The following CLEC1A variants were observed in gnomAD, a reference collection of about 807,000 sequenced individuals.
CLEC1A encodes the protein C-type lectin-like receptor-1.
CLEC1A carries 34 observed loss-of-function variants against 28.7 expected under a neutral mutation model. That is an observed-to-expected ratio of 1.18 (90% CI 0.90 to 1.57). The LOEUF (loss-of-function observed/expected upper bound fraction) is 1.57, where lower values mean the gene tolerates loss of function less well. Ranked by LOEUF, CLEC1A falls within the 40% of genes most tolerant of loss-of-function variation. The pLI is 0.00. For synonymous variants in CLEC1A, 116 were observed against 121.0 expected (o/e 0.96, Z 0.27); for missense variants, 385 against 339.5 (o/e 1.13, Z -1.05).
At chr12:10,089,039 TAA>T in intron 2 of CLEC1A, 83 bp downstream of exon 2, 1 of 1,087,506 alleles carries the variant, frequency 9.2e-7, no homozygotes, top group Non-Finnish European at 1.4e-6. Context: ...AATTAAAGTT[TAA>T]AAAACAAATC....
At position 10,069,877 on chromosome 12, in the gene CLEC1A, A is replaced by C. The variant is rs1482102900; in HGVS notation, c.*1456T>G. On this transcript the variant is annotated 3_prime_UTR_variant, in exon 6 of 6. Transcript: ENST00000315330. ...CAAAATGAAGTTTATGAAAATGAGC[A>C]CCAATGTGTTCTTTCTATCATATGA... The C allele has an allele frequency of 1.3e-5, 2 of 152,248 alleles. No individual in the cohort carries two copies. Among genetic ancestry groups the C allele is most frequent in the African/African-American group, 2.4e-5 (1 of 41,462 alleles). 9.4% of individuals were successfully genotyped at this position (152,248 alleles called of 1,614,324 possible). A position where few individuals can be genotyped will look rare whatever the true frequency, so the allele number is the denominator to read the frequency against.
intron 2 of CLEC1A, among the ~76,000 whole-genome samples, chr12:10,085,000 T>C (rs1488259256): frequency 6.6e-6 from 1 of 152,004 alleles, no homozygotes; most frequent in African/African-American, 2.4e-5. Context: ...GAATTTTGTA[T>C]CCAGTGAAAC....
chr12:10,098,910 A>G lies in CLEC1A; in HGVS notation c.13T>C (p.Tyr5His), dbSNP rs776385264. The G allele has an allele frequency of 1.2e-6, 2 of 1,611,404 alleles. No homozygotes were observed. The highest frequency in any genetic ancestry group is 1.7e-6 in the Non-Finnish European group (2 of 1,178,474). The change falls in exon 1 of 6, where the codon TAC becomes CAC. Residue 5 changes from tyrosine (Y) to histidine (H), a missense_variant. By Grantham distance (83) the Tyr-to-His change is moderately conservative. Coordinates refer to ENST00000315330, the MANE Select transcript of CLEC1A (RefSeq NM_016511.4). MQAK[Y>H]SSTRDMLDDD... ...TCCAGCATGTCCCTCGTGCTGCTGT[A>G]CTTGGCCTGCATCTGGATTCCTACA...
chr12:10,075,973 C>A (rs1866243663), intron 3 of CLEC1A, among the ~76,000 whole-genome samples: 1 of 152,162 alleles, frequency 6.6e-6, no homozygotes, highest in Non-Finnish European at 1.5e-5. Context: ...CACAAAGCAT[C>A]TCAAATGTAC....
At chr12:10,074,533 A>G (rs1365106714) in intron 4 of CLEC1A, among the ~76,000 whole-genome samples, 1 of 152,232 alleles carries the variant, frequency 6.6e-6, no homozygotes, top group African/African-American at 2.4e-5. Context: ...ACCACGTGAT[A>G]TAATATAGTT....
rs1421332600 is a variant in CLEC1A at position 10,089,148 on chromosome 12, C to G, written c.190G>C (p.Gly64Arg). Reference protein sequence around the residue: ...LLTLCLVLLIGLAALGLLFFQ... With the variant: ...LLTLCLVLLIRLAALGLLFFQ... Reference sequence around the variant, plus strand: ...CACAAAAGCCCCAGGGCTGCCAGCCCTATCAGCAGCACCAAGCACAAAGTC... The same window carrying G: ...CACAAAAGCCCCAGGGCTGCCAGCCGTATCAGCAGCACCAAGCACAAAGTC... The change falls in exon 2 of 6, where the codon GGG becomes CGG. Residue 64 changes from glycine to arginine, a missense_variant. Gly to Arg is a moderately radical substitution (Grantham distance 125). Transcript: ENST00000315330. 2 of 1,613,864 alleles carry G rather than the reference C, an allele frequency of 1.2e-6. No homozygotes were observed. The highest frequency in any genetic ancestry group is 2.7e-5 in the African/African-American group (2 of 74,926).
chr12:10,081,486 G>A, intron 2 of CLEC1A, 73 bp from the exon 3 acceptor site: 5 of 1,252,472 alleles, frequency 4.0e-6, no homozygotes, highest in Non-Finnish European at 5.5e-6. Flanking sequence ...TTATGGGGAA[G>A]ACAAAACAGT....
chr12:10,080,234 A>G (rs937839984), intron 3 of CLEC1A, among the ~76,000 whole-genome samples: 7 of 152,166 alleles, frequency 4.6e-5, no homozygotes, highest in Admixed American at 3.9e-4. Context: ...AATTGCTTAA[A>G]CCTGGGAGGA....
chr12:10,098,949 A>T lies in CLEC1A; in HGVS notation c.-27T>A. ...TGGATTCCTACAGCGGTGAGAGTGAAATGTGGTCGGATTGCCCTGGGCCGC... is the reference window on the plus strand; with the variant it reads ...TGGATTCCTACAGCGGTGAGAGTGATATGTGGTCGGATTGCCCTGGGCCGC... On this transcript the variant is annotated 5_prime_UTR_variant, in exon 1 of 6. Coordinates refer to ENST00000315330, the MANE Select transcript of CLEC1A (RefSeq NM_016511.4). The T allele has an allele frequency of 6.4e-7, 1 of 1,564,994 alleles. No homozygotes were observed. The highest frequency in any genetic ancestry group is 8.8e-7 in the Non-Finnish European group (1 of 1,142,038).
intron 1 of CLEC1A, among the ~76,000 whole-genome samples, chr12:10,095,845 C>A (rs1352077147): frequency 6.6e-6 from 1 of 152,158 alleles, no homozygotes; most frequent in East Asian, 1.9e-4. Context: ...TGTTGTCTCT[C>A]TCCAAGACTC....
Position 10,098,888 on chromosome 12 carries a change from A to T in CLEC1A, c.35T>A (p.Leu12Gln). 2 of 1,613,660 alleles carry T rather than the reference A, an allele frequency of 1.2e-6. No homozygotes were observed. The highest frequency in any genetic ancestry group is 1.7e-6 in the Non-Finnish European group (2 of 1,179,814). Residue 12 changes from leucine (L) to glutamine (Q), a missense_variant, in exon 1 of 6, where the codon CTG becomes CAG. Coordinates refer to ENST00000315330, the MANE Select transcript of CLEC1A (RefSeq NM_016511.4). ...QAKYSSTRDM[L>Q]DDDGDTTMSL... ...CATGGTGGTGTCCCCATCATCATCC[A>T]GCATGTCCCTCGTGCTGCTGTACTT...
intron 2 of CLEC1A, among the ~76,000 whole-genome samples, chr12:10,083,017 A>G (rs577019982): frequency 5.0e-4 from 76 of 152,378 alleles, no homozygotes; most frequent in African/African-American, 1.8e-3. Context: ...ATGGGAGACC[A>G]GAAGATGGAT....
At chr12:10,083,791 C>A (rs1390974940) in intron 2 of CLEC1A, among the ~76,000 whole-genome samples, 3 of 151,860 alleles carry the variant, frequency 2.0e-5, no homozygotes. Context: ...TTTTAAAAAA[C>A]AATATAGGAT....
intron 2 of CLEC1A, among the ~76,000 whole-genome samples, chr12:10,085,382 A>G (rs1204279215): frequency 6.6e-6 from 1 of 152,198 alleles, no homozygotes; most frequent in Non-Finnish European, 1.5e-5. Flanking sequence ...CCAATCAAGT[A>G]TCTGCTGTCT....
intron 1 of CLEC1A, among the ~76,000 whole-genome samples, chr12:10,097,181 C>T (rs1947788647): frequency 6.6e-6 from 1 of 152,162 alleles, no homozygotes; most frequent in South Asian, 2.1e-4. Flanking sequence ...TAAACACAAA[C>T]ATAGTTGTTA....
intron 3 of CLEC1A, among the ~76,000 whole-genome samples, chr12:10,080,022 A>G (rs1359985674): frequency 1.3e-5 from 2 of 152,098 alleles, no homozygotes; most frequent in Non-Finnish European, 2.9e-5. Flanking sequence ...AAATTTGTAA[A>G]TAAATGCTGG....
intron 1 of CLEC1A, among the ~76,000 whole-genome samples, chr12:10,092,695 C>T (rs1947722994): frequency 6.6e-6 from 1 of 151,992 alleles, no homozygotes; most frequent in South Asian, 2.1e-4. Context: ...GAAGTGAGGG[C>T]CTGGACTTTA....
chr12:10,098,695 T>G, intron 1 of CLEC1A, 113 bp downstream of exon 1: 1 of 656,664 alleles, frequency 1.5e-6, no homozygotes. Context: ...GGGCGAGTAA[T>G]TGGAAATAAA....
At chr12:10,073,937 CAT>C (rs1308629960) in intron 4 of CLEC1A, among the ~76,000 whole-genome samples, 18 of 152,310 alleles carry the variant, frequency 1.2e-4, no homozygotes, top group African/African-American at 2.6e-4. Context: ...TATGTGCACA[CAT>C]GTGTATAGTC....
Sources: gnomAD v4.1 joint callset for allele counts (sites outside exome capture counted in the v4.1 genomes callset) on GRCh38, gnomAD v4.1.1 for gene constraint, MANE v1.5 for transcripts, NCBI Gene and HGNC (gene_info 2026-07-23, HGNC 2026-07-21) for gene names.